The following KCNMA1 variants were observed in gnomAD, a reference collection of about 807,000 sequenced individuals.
KCNMA1 encodes the protein Calcium-activated potassium channel subunit alpha-1.
KCNMA1 carries 29 observed loss-of-function variants against 140.0 expected under a neutral mutation model. The observed-to-expected ratio is 0.21, with a 90% confidence interval of 0.15 to 0.28. The LOEUF is 0.28. Ranked by LOEUF, KCNMA1 falls within the 10% of genes least tolerant of loss-of-function variation. The pLI is 1.00. For missense variants in KCNMA1, 880 were observed against 1,602.2 expected (o/e 0.55, Z 7.70); for synonymous variants, 612 against 611.9 (o/e 1.00, Z 0.00).
intron 1 of KCNMA1, among the ~76,000 whole-genome samples, chr10:77,537,245 C>G (rs552753654): frequency 1.3e-5 from 2 of 152,246 alleles, no homozygotes; most frequent in South Asian, 4.1e-4. Flanking sequence ...CACCCCCCTG[C>G]TCCTTTAATT....
intron 14 of KCNMA1, among the ~76,000 whole-genome samples, chr10:77,051,726 A>T (rs1228583209): frequency 6.6e-6 from 1 of 152,144 alleles, no homozygotes; most frequent in Non-Finnish European, 1.5e-5. Context: ...GCTTCAAAAA[A>T]TCCCAGCCTT....
intron 1 of KCNMA1, among the ~76,000 whole-genome samples, chr10:77,475,422 G>A (rs2098257992): frequency 6.6e-6 from 1 of 152,176 alleles, no homozygotes; most frequent in Admixed American, 6.5e-5. Flanking sequence ...CGTGCTGAAG[G>A]AGGCAGGGGA....
At chr10:76,966,929 A>T (rs1483392737) in intron 20 of KCNMA1, among the ~76,000 whole-genome samples, 1 of 152,178 alleles carries the variant, frequency 6.6e-6, no homozygotes, top group East Asian at 1.9e-4. Flanking sequence ...GGATCCAGAT[A>T]TACAAAACAA....
chr10:77,500,630 T>A (rs2043525210), intron 1 of KCNMA1, among the ~76,000 whole-genome samples: 1 of 152,128 alleles, frequency 6.6e-6, no homozygotes, highest in Non-Finnish European at 1.5e-5. Flanking sequence ...TATCTAAAAG[T>A]CAATGACTTT....
intron 1 of KCNMA1, among the ~76,000 whole-genome samples, chr10:77,612,026 G>A (rs2087120522): frequency 6.6e-6 from 1 of 152,202 alleles, no homozygotes; most frequent in South Asian, 2.1e-4. Context: ...GTCCAGAGAA[G>A]AAAGAGATGG....
chr10:77,299,470 C>T (rs950207407), intron 2 of KCNMA1, among the ~76,000 whole-genome samples: 2 of 152,160 alleles, frequency 1.3e-5, no homozygotes, highest in Non-Finnish European at 2.9e-5. Flanking sequence ...ACCCTCTGGC[C>T]CCCCTCCAAC....
intron 1 of KCNMA1, among the ~76,000 whole-genome samples, chr10:77,419,507 A>G (rs1252550710): frequency 6.6e-6 from 1 of 152,192 alleles, no homozygotes; most frequent in East Asian, 1.9e-4. Context: ...GTTGTTACTC[A>G]GATTTCTTGA....
intron 19 of KCNMA1, among the ~76,000 whole-genome samples, chr10:76,998,890 A>G (rs977506590): frequency 1.3e-5 from 2 of 152,226 alleles, no homozygotes; most frequent in African/African-American, 4.8e-5. Context: ...TTTCTAACTT[A>G]TTATTAATGG....
At chr10:77,024,484 C>T (rs1207374014) in intron 16 of KCNMA1, among the ~76,000 whole-genome samples, 1 of 152,026 alleles carries the variant, frequency 6.6e-6, no homozygotes, top group Non-Finnish European at 1.5e-5. Flanking sequence ...AACAAGTAGG[C>T]ATCTCAACAG....
intron 14 of KCNMA1, among the ~76,000 whole-genome samples, chr10:77,070,239 G>A (rs1222333084): frequency 2.0e-5 from 3 of 152,134 alleles, no homozygotes; most frequent in African/African-American, 4.8e-5. Context: ...CACTTTGGGA[G>A]GCTGAGGCAG....
Position 77,180,178 on chromosome 10 carries a change from G to A in KCNMA1, c.808+3243C>T, listed in dbSNP as rs1170465413. On this transcript the variant is annotated intron_variant, in intron 5 of 27. Coordinates refer to ENST00000286628, the MANE Select transcript of KCNMA1 (RefSeq NM_001161352.2). Reference sequence around the variant, plus strand: ...TGCATCTTATCCCAAACCTCAGCCAGAAAAGGCAGCACCCTTCCACTTTCC... The same window carrying A: ...TGCATCTTATCCCAAACCTCAGCCAAAAAAGGCAGCACCCTTCCACTTTCC... Among the ~76,000 whole-genome samples, 6 of 152,322 alleles carry A rather than the reference G, an allele frequency of 3.9e-5. No individual in the cohort carries two copies. The East Asian group carries it at 9.6e-4, about 24-fold the overall frequency.
intron 5 of KCNMA1, among the ~76,000 whole-genome samples, chr10:77,155,271 C>G (rs2098469977): frequency 6.6e-6 from 1 of 152,214 alleles, no homozygotes; most frequent in African/African-American, 2.4e-5. Flanking sequence ...TCTTTCCTGC[C>G]TGCTATTGAT....
intron 18 of KCNMA1, among the ~76,000 whole-genome samples, chr10:77,003,145 T>A (rs894039665): frequency 2.6e-5 from 4 of 152,134 alleles, no homozygotes; most frequent in African/African-American, 9.7e-5. Context: ...CTGGGGGAGA[T>A]GAATGAGAGA....
chr10:76,919,982 TTGTGTGTGTGTGTGTGTGTG>T (rs1196371060), intron 23 of KCNMA1, among the ~76,000 whole-genome samples: 1 of 77,608 alleles, frequency 1.3e-5, no homozygotes, highest in Admixed American at 1.9e-4. Flanking sequence ...GCAATGAGCA[TTGTGTGTGTGTGTGTGTGTG>T]TGTGTGTGTG....
intron 1 of KCNMA1, among the ~76,000 whole-genome samples, chr10:77,553,974 CT>C (rs112324832): frequency 1.0e-3 from 154 of 146,856 alleles, no homozygotes; most frequent in Admixed American, 1.2e-3. Context: ...CAGGGATCGA[CT>C]TTTTTTTTTT....
At position 76,910,142 on chromosome 10, in the gene KCNMA1, G is replaced by A. The variant is rs201242550; in HGVS notation, c.3017-46C>T. 112 of 1,608,586 alleles carry A rather than the reference G, an allele frequency of 7.0e-5. No homozygotes were observed. In the East Asian group the frequency reaches 1.9e-3, roughly 27 times the overall value. ...GAATTAGCTCTGAAGACCACACACA[G>A]GCATTGAAGCCAGAGGGAGACCAGG... On this transcript the variant is annotated intron_variant, in intron 24 of 27. Transcript: ENST00000286628.
intron 3 of KCNMA1, among the ~76,000 whole-genome samples, chr10:77,191,773 A>C (rs1490725982): frequency 1.3e-5 from 2 of 152,146 alleles, no homozygotes; most frequent in African/African-American, 4.8e-5. Flanking sequence ...TCTAATGTAA[A>C]TAGAAAACAG....
At chr10:77,022,273 T>C (rs1325600800) in intron 16 of KCNMA1, among the ~76,000 whole-genome samples, 1 of 152,194 alleles carries the variant, frequency 6.6e-6, no homozygotes, top group African/African-American at 2.4e-5. Context: ...GAGATAAACT[T>C]CAACATGTGT....
At chr10:77,003,940 G>A (rs2087423093) in intron 18 of KCNMA1, among the ~76,000 whole-genome samples, 1 of 152,134 alleles carries the variant, frequency 6.6e-6, no homozygotes, top group South Asian at 2.1e-4. Flanking sequence ...GGCTCTCAGG[G>A]ACTGTTTGCA....
Sources: gnomAD v4.1 joint callset for allele counts (sites outside exome capture counted in the v4.1 genomes callset) on GRCh38, gnomAD v4.1.1 for gene constraint, MANE v1.5 for transcripts, NCBI Gene and HGNC (gene_info 2026-07-23, HGNC 2026-07-21) for gene names.